Variants in ST18 observed in about 807,000 individuals in gnomAD.
ST18 encodes the protein ST18 C2H2C-type zinc finger transcription factor, also known as suppression of tumorigenicity 18 protein.
In ST18, 50 loss-of-function variants were observed where a neutral mutation model predicts 110.0. The observed-to-expected ratio is 0.45, with a 90% CI of 0.36 to 0.58. The LOEUF is 0.58. Ranked by LOEUF, ST18 falls within the 20% of genes least tolerant of loss-of-function variation. The pLI is 0.00. For synonymous variants in ST18, 461 were observed against 452.4 expected (o/e 1.02, Z -0.24); for missense variants, 1,306 against 1,280.1 (o/e 1.02, Z -0.31).
chr8:52,258,831 A>G (rs975407760), intron 2 of ST18, among the ~76,000 whole-genome samples: 2 of 152,230 alleles, frequency 1.3e-5, no homozygotes, highest in Non-Finnish European at 2.9e-5. Flanking sequence ...TTTGGTGTTT[A>G]GCATGATATT....
At chr8:52,296,492 CAGTGAACGTCG>C (rs1369154462) in intron 2 of ST18, 2 of 152,200 alleles carry the variant, frequency 1.3e-5, no homozygotes, top group African/African-American at 4.8e-5. Flanking sequence ...GCACACAGCA[CAGTGAACGTCG>C]AGCATGCACA....
At chr8:52,150,115 C>T (rs893744943) in intron 15 of ST18, 138 bp from the exon 16 acceptor site, 21 of 1,231,222 alleles carry the variant, frequency 1.7e-5, no homozygotes, top group Middle Eastern at 2.9e-4. Context: ...TTCTGATTTG[C>T]GTTGGGTAAT....
intron 2 of ST18, among the ~76,000 whole-genome samples, chr8:52,258,126 A>C (rs545540739): frequency 5.3e-4 from 80 of 152,300 alleles, no homozygotes; most frequent in South Asian, 4.3e-3. Context: ...ATTCTATTTC[A>C]TTGATGTACA....
chr8:52,279,578 C>T (rs1292098299), intron 2 of ST18, among the ~76,000 whole-genome samples: 4 of 152,014 alleles, frequency 2.6e-5, no homozygotes, highest in Non-Finnish European at 5.9e-5. Context: ...AAAATCTAAA[C>T]CTGCATACAA....
chr8:52,313,669 G>T (rs1046520469), intron 2 of ST18, among the ~76,000 whole-genome samples: 5 of 152,220 alleles, frequency 3.3e-5, no homozygotes, highest in African/African-American at 1.2e-4. Context: ...TGAGAAGTGT[G>T]TGGTTTCCAG....
intron 2 of ST18, among the ~76,000 whole-genome samples, chr8:52,389,040 G>C (rs1459147372): frequency 6.6e-6 from 1 of 151,924 alleles, no homozygotes; most frequent in African/African-American, 2.4e-5. Flanking sequence ...GCAGACCAGG[G>C]CCCGAGAAGC....
chr8:52,265,168 G>A (rs1401722089), intron 2 of ST18, among the ~76,000 whole-genome samples: 1 of 152,202 alleles, frequency 6.6e-6, no homozygotes, highest in Non-Finnish European at 1.5e-5. Flanking sequence ...ACAGCCACAA[G>A]CACAGGACAA....
chr8:52,272,819 G>T (rs1254364123), intron 2 of ST18, among the ~76,000 whole-genome samples: 1 of 152,102 alleles, frequency 6.6e-6, no homozygotes, highest in Non-Finnish European at 1.5e-5. Context: ...CTTCATAAAT[G>T]ACAAACACTG....
intron 2 of ST18, among the ~76,000 whole-genome samples, chr8:52,243,498 A>C (rs2137763592): frequency 6.6e-6 from 1 of 151,956 alleles, no homozygotes; most frequent in Non-Finnish European, 1.5e-5. Context: ...TCTTAAGGAG[A>C]GATTAAGGGA....
chr8:52,174,631 C>A (rs1334304961), intron 9 of ST18, among the ~76,000 whole-genome samples: 1 of 152,192 alleles, frequency 6.6e-6, no homozygotes, highest in African/African-American at 2.4e-5. Flanking sequence ...CAATGCATTT[C>A]ACTGTGCTGC....
intron 19 of ST18, among the ~76,000 whole-genome samples, chr8:52,135,853 C>G (rs111993378): frequency 1.8e-4 from 28 of 152,058 alleles, no homozygotes; most frequent in Admixed American, 5.2e-4. Context: ...GCTGTCTACG[C>G]ATATTGTTTT....
intron 2 of ST18, among the ~76,000 whole-genome samples, chr8:52,366,382 C>A (rs1339498356): frequency 1.3e-5 from 2 of 152,214 alleles, no homozygotes; most frequent in African/African-American, 4.8e-5. Flanking sequence ...CAGAACAACA[C>A]CTACAGGCTT....
intron 8 of ST18, among the ~76,000 whole-genome samples, chr8:52,200,572 G>A (rs941026301): frequency 1.3e-5 from 2 of 152,176 alleles, no homozygotes; most frequent in Non-Finnish European, 2.9e-5. Context: ...GAAACTCATC[G>A]AAGGGCTTCT....
At chr8:52,162,243 A>G (rs1004880021) in intron 13 of ST18, among the ~76,000 whole-genome samples, 1 of 152,200 alleles carries the variant, frequency 6.6e-6, no homozygotes, top group Non-Finnish European at 1.5e-5. Flanking sequence ...TACCATCAGT[A>G]AATACTGGTT....
intron 2 of ST18, among the ~76,000 whole-genome samples, chr8:52,333,943 T>G (rs1810834605): frequency 6.6e-6 from 1 of 152,132 alleles, no homozygotes; most frequent in Non-Finnish European, 1.5e-5. Context: ...TGAAACAGAA[T>G]TGTTCTGGGG....
chr8:52,259,814 A>T (rs2094630653), intron 2 of ST18, among the ~76,000 whole-genome samples: 1 of 152,154 alleles, frequency 6.6e-6, no homozygotes, highest in South Asian at 2.1e-4. Flanking sequence ...AATACTGTGA[A>T]TTTCACTTAT....
intron 15 of ST18, among the ~76,000 whole-genome samples, chr8:52,155,854 T>C (rs942522109): frequency 1.3e-5 from 2 of 152,130 alleles, no homozygotes; most frequent in East Asian, 1.9e-4. Context: ...AGCCCCAATA[T>C]ATGGGCATGA....
intron 21 of ST18, 22 bp downstream of exon 21, chr8:52,133,035 A>C: frequency 6.2e-7 from 1 of 1,611,754 alleles, no homozygotes; most frequent in Non-Finnish European, 8.5e-7. Context: ...GCTGACCCCC[A>C]TGTCTCAACT....
At chr8:52,136,985 G>A (rs570524729) in intron 18 of ST18, among the ~76,000 whole-genome samples, 138 of 152,294 alleles carry the variant, frequency 9.1e-4, no homozygotes, top group African/African-American at 3.0e-3. Flanking sequence ...GCTTTTCCAA[G>A]AGAAGACAAA....
Sources: gnomAD v4.1 joint callset for allele counts (sites outside exome capture counted in the v4.1 genomes callset) on GRCh38, gnomAD v4.1.1 for gene constraint, MANE v1.5 for transcripts, NCBI Gene and HGNC (gene_info 2026-07-23, HGNC 2026-07-21) for gene names.